PCDH15: variants seen among roughly 807,000 people sequenced by gnomAD.
PCDH15 encodes the protein protocadherin related 15.
Under a neutral mutation model 178.5 loss-of-function variants are expected in PCDH15, and 129 were observed. The observed-to-expected ratio is 0.72, with a 90% CI of 0.63 to 0.84. The LOEUF (loss-of-function observed/expected upper bound fraction) is 0.84. Among genes scored for constraint, PCDH15 ranks in the 40% least tolerant of loss-of-function variants. The pLI is 0.00. For missense variants in PCDH15, 2,230 were observed against 2,099.9 expected, an observed-to-expected ratio of 1.06 and a Z score of -1.21; for synonymous variants, 800 against 732.0, an observed-to-expected ratio of 1.09 and a Z score of -1.50.
chr10:55,229,595 C>T (rs1170201474), intron 1 of PCDH15, among the ~76,000 whole-genome samples: 2 of 151,866 alleles, frequency 1.3e-5, no homozygotes, highest in African/African-American at 4.8e-5. Flanking sequence ...CAACTATGTC[C>T]ATTATTCAAA....
chr10:53,922,593 CA>C (rs779024081), intron 25 of PCDH15, among the ~76,000 whole-genome samples: 1 of 152,064 alleles, frequency 6.6e-6, no homozygotes, highest in Admixed American at 6.6e-5. Flanking sequence ...TAAATGGGAA[CA>C]ACTTAATGGT....
At chr10:55,110,996 A>C (rs908470458) in intron 2 of PCDH15, among the ~76,000 whole-genome samples, 1 of 152,146 alleles carries the variant, frequency 6.6e-6, no homozygotes, top group African/African-American at 2.4e-5. Context: ...ATTAGACTGT[A>C]AATATAAATG....
chr10:55,452,974 G>A (rs1839468905), intron 2 of PCDH15, among the ~76,000 whole-genome samples: 1 of 152,002 alleles, frequency 6.6e-6, no homozygotes, highest in Non-Finnish European at 1.5e-5. Flanking sequence ...GAATAAGCAA[G>A]GGCTTTAAGA....
chr10:55,031,225 C>T (rs1033395116), intron 2 of PCDH15, among the ~76,000 whole-genome samples: 2 of 152,138 alleles, frequency 1.3e-5, no homozygotes, highest in African/African-American at 4.8e-5. Flanking sequence ...GCAAATACAT[C>T]ATAATCTGTG....
At chr10:55,281,644 T>C (rs1288269218) in intron 1 of PCDH15, among the ~76,000 whole-genome samples, 2 of 152,130 alleles carry the variant, frequency 1.3e-5, no homozygotes, top group African/African-American at 4.8e-5. Context: ...TGACAATGAC[T>C]CGCACATGTG....
In PCDH15 at chr10:54,229,102, A is replaced by G. The variant is rs553967005; in HGVS notation, c.985+7721T>C. Among the ~76,000 whole-genome samples, 4 of 152,320 alleles carry G rather than the reference A, an allele frequency of 2.6e-5. No individual in the cohort carries two copies. The South Asian group carries it at 8.3e-4, about 32-fold the overall frequency. ...TAAACCTGAGATTAAAGGTAACACT[A>G]ATGATATGTGTAGAAGTGAACACCA... On this transcript the variant is annotated intron_variant, in intron 9 of 37. Coordinates refer to ENST00000644397, the MANE Select transcript of PCDH15 (RefSeq NM_001384140.1).
At chr10:54,817,450 C>T (rs1476756730) in intron 3 of PCDH15, among the ~76,000 whole-genome samples, 1 of 151,950 alleles carries the variant, frequency 6.6e-6, no homozygotes, top group Non-Finnish European at 1.5e-5. Context: ...TCTTACTCAT[C>T]TCTATCAATT....
intron 1 of PCDH15, among the ~76,000 whole-genome samples, chr10:54,746,096 A>G (rs1281147074): frequency 2.0e-5 from 3 of 152,084 alleles, no homozygotes; most frequent in East Asian, 1.9e-4. Context: ...CTTATGTACA[A>G]TAGGGTTTCT....
At chr10:54,079,491 G>C in intron 16 of PCDH15, 67 bp from the exon 17 acceptor site, 2 of 1,417,652 alleles carry the variant, frequency 1.4e-6, no homozygotes, top group East Asian at 2.3e-5. Context: ...AGTCTTCTTA[G>C]TATAGTGAAT....
intron 2 of PCDH15, among the ~76,000 whole-genome samples, chr10:55,036,013 T>G (rs1025874365): frequency 2.0e-5 from 3 of 152,144 alleles, no homozygotes; most frequent in Non-Finnish European, 2.9e-5. Flanking sequence ...AGGCATGTGT[T>G]AGAAACTTAA....
At chr10:55,072,667 G>T (rs1221548417) in intron 2 of PCDH15, among the ~76,000 whole-genome samples, 4 of 151,990 alleles carry the variant, frequency 2.6e-5, no homozygotes, top group Non-Finnish European at 4.4e-5. Context: ...TCTACCAGAG[G>T]TACAAGGAGG....
chr10:54,879,939 A>T (rs1954230216), intron 3 of PCDH15, among the ~76,000 whole-genome samples: 1 of 152,058 alleles, frequency 6.6e-6, no homozygotes, highest in African/African-American at 2.4e-5. Context: ...AAATCTCATT[A>T]AAAGTAAAAG....
intron 2 of PCDH15, among the ~76,000 whole-genome samples, chr10:55,551,975 C>T (rs1842011386): frequency 6.6e-6 from 1 of 151,524 alleles, no homozygotes; most frequent in South Asian, 2.1e-4. Context: ...TGAAGGTTTT[C>T]CGTATTTAAA....
intron 2 of PCDH15, among the ~76,000 whole-genome samples, chr10:55,396,058 C>T (rs1344418115): frequency 7.0e-6 from 1 of 143,442 alleles, no homozygotes; most frequent in Non-Finnish European, 1.6e-5. Flanking sequence ...TTTCTGGATT[C>T]GTTAGATAAA....
intron 2 of PCDH15, among the ~76,000 whole-genome samples, chr10:55,470,235 A>AGCTACT (rs1839926871): frequency 6.6e-6 from 1 of 151,958 alleles, no homozygotes; most frequent in South Asian, 2.1e-4. Context: ...CTATAGTCTC[A>AGCTACT]GCTACTCGGA....
chr10:54,569,396 T>G (rs2089483687), intron 2 of PCDH15, among the ~76,000 whole-genome samples: 1 of 152,190 alleles, frequency 6.6e-6, no homozygotes, highest in Non-Finnish European at 1.5e-5. Flanking sequence ...TGGGAAAGTT[T>G]TGCAGCAGAG....
At chr10:54,366,460 T>C (rs936050607) in intron 5 of PCDH15, among the ~76,000 whole-genome samples, 1 of 152,008 alleles carries the variant, frequency 6.6e-6, no homozygotes, top group Non-Finnish European at 1.5e-5. Flanking sequence ...GCATTGTAGA[T>C]GGGCAAGATA....
intron 16 of PCDH15, among the ~76,000 whole-genome samples, chr10:54,079,682 CTG>C (rs1264761525): frequency 1.3e-5 from 2 of 152,138 alleles, no homozygotes; most frequent in East Asian, 3.9e-4. Flanking sequence ...CATAACAAAA[CTG>C]TGCTTAATTC....
At chr10:54,193,496 C>T (rs1345684251) in intron 11 of PCDH15, among the ~76,000 whole-genome samples, 1 of 152,138 alleles carries the variant, frequency 6.6e-6, no homozygotes, top group African/African-American at 2.4e-5. Context: ...AATTGAAAAG[C>T]AAAATCCGCA....
Sources: gnomAD v4.1 joint callset for allele counts (sites outside exome capture counted in the v4.1 genomes callset) on GRCh38, gnomAD v4.1.1 for gene constraint, MANE v1.5 for transcripts, NCBI Gene and HGNC (gene_info 2026-07-23, HGNC 2026-07-21) for gene names.